The following CDH12 variants were observed in gnomAD, a reference collection of about 807,000 sequenced individuals.
The protein encoded by CDH12 is cadherin-12.
CDH12 carries 41 observed loss-of-function variants against 74.1 expected under a neutral mutation model. That is an observed-to-expected ratio of 0.55 (90% CI 0.43 to 0.72). CDH12 has a LOEUF of 0.72. Ranked by LOEUF, CDH12 falls within the 30% of genes least tolerant of loss-of-function variation. The probability of loss-of-function intolerance (pLI) is 0.00; values close to 1 mark genes in which losing one functional copy is unlikely to be tolerated. For missense variants in CDH12, 945 were observed against 977.2 expected, an observed-to-expected ratio of 0.97 and a Z score of 0.44; for synonymous variants, 399 against 355.0, an observed-to-expected ratio of 1.12 and a Z score of -1.39.
chr5:22,782,775 A>T (rs1327890697), intron 1 of CDH12, among the ~76,000 whole-genome samples: 2 of 152,162 alleles, frequency 1.3e-5, no homozygotes, highest in Non-Finnish European at 2.9e-5. Context: ...TACATATCGT[A>T]TGTGGAAACC....
intron 2 of CDH12, among the ~76,000 whole-genome samples, chr5:22,463,676 TGAA>T (rs1561423822): frequency 2.6e-5 from 4 of 152,158 alleles, no homozygotes; most frequent in Admixed American, 2.6e-4. Flanking sequence ...GTTTTTAAAC[TGAA>T]GTCTTTTAAT....
intron 3 of CDH12, among the ~76,000 whole-genome samples, chr5:22,341,232 C>G (rs1739834148): frequency 6.6e-6 from 1 of 152,130 alleles, no homozygotes; most frequent in African/African-American, 2.4e-5. Flanking sequence ...TGCAGTACCT[C>G]ATAACTGCTG....
At chr5:22,759,806 G>A (rs1006286581) in intron 1 of CDH12, among the ~76,000 whole-genome samples, 1 of 152,174 alleles carries the variant, frequency 6.6e-6, no homozygotes, top group Non-Finnish European at 1.5e-5. Context: ...GGCTCATGCA[G>A]TTGTGGATGC....
chr5:21,863,552 T>C (rs1372912462), intron 6 of CDH12, among the ~76,000 whole-genome samples: 1 of 152,152 alleles, frequency 6.6e-6, no homozygotes. Flanking sequence ...ATATGTATAG[T>C]ACTCACATAG....
chr5:21,955,818 T>C (rs1756069759), intron 6 of CDH12, among the ~76,000 whole-genome samples: 1 of 152,188 alleles, frequency 6.6e-6, no homozygotes, highest in Admixed American at 6.6e-5. Context: ...ATCTCAAGAA[T>C]TGAACATTTT....
intron 1 of CDH12, among the ~76,000 whole-genome samples, chr5:22,570,136 A>G (rs1428713733): frequency 6.6e-6 from 1 of 151,548 alleles, no homozygotes; most frequent in Non-Finnish European, 1.5e-5. Flanking sequence ...GCTCACTGCA[A>G]CCTTCACCTC....
At chr5:22,002,586 G>C (rs940107464) in intron 5 of CDH12, among the ~76,000 whole-genome samples, 1 of 151,922 alleles carries the variant, frequency 6.6e-6, no homozygotes, top group Non-Finnish European at 1.5e-5. Context: ...TTATCTGATT[G>C]AGCATCTGTA....
At chr5:22,262,118 A>G (rs1263422597) in intron 3 of CDH12, among the ~76,000 whole-genome samples, 2 of 150,700 alleles carry the variant, frequency 1.3e-5, no homozygotes, top group Admixed American at 1.3e-4. Context: ...TGCATACACT[A>G]TTTCTTTTTT....
In CDH12 at chr5:22,423,975, C is replaced by A. The variant is rs1232223980; in HGVS notation, c.-427-18624G>T. 2.4e-5 allele frequency among the ~76,000 whole-genome samples: 3 copies of A among 125,490 alleles called. No homozygotes were observed. In the East Asian group the frequency reaches 7.4e-4, roughly 31 times the overall value. 82.3% of individuals were successfully genotyped at this position (125,490 alleles called of 152,430 possible). A position where few individuals can be genotyped will look rare whatever the true frequency, so the allele number is the denominator to read the frequency against. ...CCGAGATCCCGCCACTGCACTCCAG[C>A]CTGGGCGACAGAGCGAGACTCTGTC... On this transcript the variant is annotated intron_variant, in intron 2 of 14. Coordinates refer to ENST00000382254, the MANE Select transcript of CDH12 (RefSeq NM_004061.5).
chr5:22,141,660 T>C (rs1359541035), intron 4 of CDH12, among the ~76,000 whole-genome samples: 2 of 151,974 alleles, frequency 1.3e-5, no homozygotes, highest in Admixed American at 6.6e-5. Flanking sequence ...TAGAACATGA[T>C]GGTGGACTTG....
At chr5:22,245,852 C>T (rs2150384018) in intron 3 of CDH12, among the ~76,000 whole-genome samples, 1 of 152,074 alleles carries the variant, frequency 6.6e-6, no homozygotes, top group Admixed American at 6.6e-5. Context: ...AGAAATTGCC[C>T]AGCTTTATTA....
chr5:22,710,295 G>T (rs558896034), intron 1 of CDH12, among the ~76,000 whole-genome samples: 2 of 152,220 alleles, frequency 1.3e-5, no homozygotes, highest in African/African-American at 2.4e-5. Flanking sequence ...ACAGTTAGGA[G>T]AAATTAAATA....
At chr5:21,827,778 C>T (rs4336327) in intron 8 of CDH12, among the ~76,000 whole-genome samples, 94,704 of 151,956 alleles carry the variant, frequency 0.62, 31,076 homozygotes, top group Non-Finnish European at 0.73. Context: ...GTATTTTTAA[C>T]ATAAGTGATT....
At chr5:22,259,773 G>A (rs765943102) in intron 3 of CDH12, among the ~76,000 whole-genome samples, 1 of 151,000 alleles carries the variant, frequency 6.6e-6, no homozygotes, top group Non-Finnish European at 1.5e-5. Flanking sequence ...AAAGATATTT[G>A]CCTTGGAGAA....
At chr5:22,848,279 C>CT (rs1014132492) in intron 1 of CDH12, among the ~76,000 whole-genome samples, 5 of 152,100 alleles carry the variant, frequency 3.3e-5, no homozygotes, top group East Asian at 1.9e-4. Context: ...TGAAAGCATT[C>CT]TTTTTTTAAC....
intron 5 of CDH12, among the ~76,000 whole-genome samples, chr5:22,025,281 T>A (rs147318409): frequency 7.9e-5 from 12 of 152,262 alleles, no homozygotes; most frequent in African/African-American, 2.6e-4. Flanking sequence ...ATTAGATAGA[T>A]ATAATATACA....
chr5:22,632,707 T>A (rs759791963), intron 1 of CDH12, among the ~76,000 whole-genome samples: 1 of 152,038 alleles, frequency 6.6e-6, no homozygotes, highest in East Asian at 1.9e-4. Flanking sequence ...AACAAACGCA[T>A]AATAGGAATC....
chr5:22,798,059 C>T (rs929832538), intron 1 of CDH12, among the ~76,000 whole-genome samples: 2 of 152,142 alleles, frequency 1.3e-5, no homozygotes, highest in Non-Finnish European at 2.9e-5. Flanking sequence ...ATTTTTTCGC[C>T]TTCCTACTCT....
chr5:22,212,815 G>C (rs1241041895), intron 3 of CDH12, 172 bp from the exon 4 acceptor site: 1 of 177,786 alleles, frequency 5.6e-6, no homozygotes, highest in African/African-American at 2.4e-5. Flanking sequence ...TGATTAGCAA[G>C]AACGCTCCGG....
Sources: gnomAD v4.1 joint callset for allele counts (sites outside exome capture counted in the v4.1 genomes callset) on GRCh38, gnomAD v4.1.1 for gene constraint, MANE v1.5 for transcripts, NCBI Gene and HGNC (gene_info 2026-07-23, HGNC 2026-07-21) for gene names.